EHBP1L1: variants seen among roughly 807,000 people sequenced by gnomAD.
EHBP1L1 encodes the protein EH domain binding protein 1 like 1, also known as EH domain-binding protein 1-like protein 1.
Under a neutral mutation model 151.1 loss-of-function variants are expected in EHBP1L1, and 122 were observed. The ratio of observed to expected loss-of-function variants is 0.81; its 90% CI spans 0.70 to 0.94. The LOEUF (loss-of-function observed/expected upper bound fraction) is 0.94, where lower values mean the gene tolerates loss of function less well. Ranked by LOEUF, EHBP1L1 falls within the 40% of genes least tolerant of loss-of-function variation. EHBP1L1 has a pLI of 0.00. For missense variants in EHBP1L1, 1,941 were observed against 1,959.8 expected (o/e 0.99, Z 0.18); for synonymous variants, 878 against 810.1 (o/e 1.08, Z -1.42).
chr11:65,587,369 C>T (rs1223724713), intron 12 of EHBP1L1, among the ~76,000 whole-genome samples: 1 of 144,588 alleles, frequency 6.9e-6, no homozygotes, highest in Non-Finnish European at 1.5e-5. Context: ...AAGACTCCGT[C>T]TCAAAAAAAA....
In EHBP1L1 at chr11:65,587,371, C is replaced by CA. The variant is rs113665152; in HGVS notation, c.3933+1796dup. Reference sequence around the variant, plus strand: ...CTGGCAACAGAGCAAGACTCCGTCTCAAAAAAAAAAAAAAAAGAGGAATTT... The same window carrying CA: ...CTGGCAACAGAGCAAGACTCCGTCTCAAAAAAAAAAAAAAAAAGAGGAATTT... On this transcript the variant is annotated intron_variant, in intron 12 of 18. Coordinates refer to ENST00000309295, the MANE Select transcript of EHBP1L1 (RefSeq NM_001099409.3). Among the ~76,000 whole-genome samples, 381 of 99,272 alleles carry CA rather than the reference C, an allele frequency of 3.8e-3. 2 individuals are homozygous for CA. Among genetic ancestry groups the CA allele is most frequent in the Middle Eastern group, 0.012 (2 of 168 alleles). 65.1% of individuals were successfully genotyped at this position (99,272 alleles called of 152,430 possible).
chr11:65,588,232 T>C (rs1384638183), intron 12 of EHBP1L1, among the ~76,000 whole-genome samples: 3 of 151,952 alleles, frequency 2.0e-5, no homozygotes, highest in African/African-American at 4.8e-5. Context: ...GGAGGTCACG[T>C]TGGTACCAGG....
intron 8 of EHBP1L1, 73 bp downstream of exon 8, chr11:65,581,446 C>A (rs1015613344): frequency 7.0e-7 from 1 of 1,432,882 alleles, no homozygotes; most frequent in Non-Finnish European, 9.3e-7. Flanking sequence ...CACCAACCTG[C>A]CTCCAGGGCC....
intron 12 of EHBP1L1, among the ~76,000 whole-genome samples, chr11:65,588,968 C>T (rs1241337985): frequency 1.3e-5 from 2 of 152,100 alleles, no homozygotes; most frequent in Non-Finnish European, 2.9e-5. Context: ...CTGGTGGGGC[C>T]TCTGCAGGAG....
chr11:65,591,779 C>T, intron 16 of EHBP1L1, 21 bp from the exon 17 acceptor site: 2 of 1,402,574 alleles, frequency 1.4e-6, no homozygotes, highest in Non-Finnish European at 2.0e-6. Context: ...CCCCCGCCAC[C>T]CACCCCCCGC....
chr11:65,588,433 G>A (rs1858089345), intron 12 of EHBP1L1, among the ~76,000 whole-genome samples: 1 of 152,196 alleles, frequency 6.6e-6, no homozygotes, highest in Non-Finnish European at 1.5e-5. Flanking sequence ...CGGGGGTGAA[G>A]GTGTCAGAGA....
At position 65,591,886 on chromosome 11, in the gene EHBP1L1, C is replaced by T; in HGVS notation, c.4357+13C>T. On this transcript the variant is annotated intron_variant, in intron 17 of 18. Transcript: ENST00000309295. ...CTGGCCATCGAAGGTGGGACATGGG[C>T]TCAGGGGCCGGGAGGCAAGACAGAG... The T allele has an allele frequency of 6.3e-7, 1 of 1,579,932 alleles. No homozygotes were observed. Among genetic ancestry groups the T allele is most frequent in the Non-Finnish European group, 8.6e-7 (1 of 1,161,718 alleles).
In EHBP1L1 at chr11:65,591,838, T is replaced by A. The variant is rs777656609; in HGVS notation, c.4322T>A (p.Leu1441Gln). Reference protein sequence around the residue: ...EQDLERRFELLSRELRAMLAI... With the variant: ...EQDLERRFELQSRELRAMLAI... Reference sequence around the variant, plus strand: ...GACTTGGAGCGAAGGTTCGAGCTGCTGAGCCGCGAGCTGCGGGCCATGCTG... The same window carrying A: ...GACTTGGAGCGAAGGTTCGAGCTGCAGAGCCGCGAGCTGCGGGCCATGCTG... Residue 1441 changes from leucine to glutamine, a missense_variant, in exon 17 of 19, where the codon CTG becomes CAG. Transcript: ENST00000309295. 1 of 1,398,160 alleles carries A rather than the reference T, an allele frequency of 7.2e-7. No homozygotes were observed. Among genetic ancestry groups the A allele is most frequent in the African/African-American group, 1.5e-5 (1 of 66,298 alleles). The allele number at this position is 1,398,160 out of a possible 1,614,324, so 86.6% of individuals were successfully genotyped here.
At chr11:65,580,871 C>T in intron 6 of EHBP1L1, 187 bp from the exon 7 acceptor site, 1 of 1,383,168 alleles carries the variant, frequency 7.2e-7, no homozygotes, top group African/African-American at 1.5e-5. Flanking sequence ...TCTCTGTCCA[C>T]TGTTGAGGTT....
Position 65,591,863 on chromosome 11 carries a change from G to A in EHBP1L1, c.4347G>A (p.Leu1449=). The A allele has an allele frequency of 6.3e-7, 1 of 1,578,902 alleles. No individual in the cohort carries two copies. The highest frequency in any genetic ancestry group is 8.6e-7 in the Non-Finnish European group (1 of 1,163,274). ...ELLSRELRAM[L]AIEDWQKTSA... ...TGAGCCGCGAGCTGCGGGCCATGCT[G>A]GCCATCGAAGGTGGGACATGGGCTC... Residue 1449 remains leucine (L), a synonymous_variant, in exon 17 of 19, where the codon CTG becomes CTA. Coordinates refer to ENST00000309295, the MANE Select transcript of EHBP1L1 (RefSeq NM_001099409.3).
chr11:65,576,482 C>A, intron 1 of EHBP1L1, 76 bp downstream of exon 1: 2 of 1,358,312 alleles, frequency 1.5e-6, no homozygotes, highest in East Asian at 2.8e-5. Context: ...TGAGAGGACT[C>A]TGCCCCCCCA....
intron 3 of EHBP1L1, 79 bp from the exon 4 acceptor site, chr11:65,579,857 C>T (rs1857510621): frequency 3.4e-6 from 5 of 1,462,450 alleles, no homozygotes; most frequent in East Asian, 2.3e-5. Context: ...CACTACCAAG[C>T]ACCTCCTGAG....
At chr11:65,592,159 G>T (rs1858360856) in intron 18 of EHBP1L1, 44 bp from the exon 19 acceptor site, 2 of 1,605,716 alleles carry the variant, frequency 1.2e-6, no homozygotes, top group South Asian at 2.2e-5. Flanking sequence ...GGCTGCGTGT[G>T]GACCCCGCCC....
Position 65,582,072 on chromosome 11 carries a change from G to T in EHBP1L1, c.1400G>T (p.Gly467Val). The T allele has an allele frequency of 6.2e-7, 1 of 1,612,218 alleles. No individual in the cohort carries two copies. Among genetic ancestry groups the T allele is most frequent in the South Asian group, 1.1e-5 (1 of 91,032 alleles). The change falls in exon 9 of 19, where the codon GGA becomes GTA. Residue 467 changes from glycine (G) to valine (V), a missense_variant. Gly to Val is a moderately radical substitution (Grantham distance 109, BLOSUM62 -3). Coordinates refer to ENST00000309295, the MANE Select transcript of EHBP1L1 (RefSeq NM_001099409.3). ...CCAAGGGGCTCTCAGGGGAGGCTGGGAGTCAGGACCAGGGATGAGGCTCCC... is the reference window on the plus strand; with the variant it reads ...CCAAGGGGCTCTCAGGGGAGGCTGGTAGTCAGGACCAGGGATGAGGCTCCC... Reference protein sequence around the residue: ...APPRGSQGRLGVRTRDEAPSG... With the variant: ...APPRGSQGRLVVRTRDEAPSG...
At position 65,581,993 on chromosome 11, in the gene EHBP1L1, G is replaced by T; in HGVS notation, c.1321G>T (p.Glu441Ter). 5.0e-6 allele frequency: 8 copies of T among 1,613,832 alleles called. No individual in the cohort carries two copies. The highest frequency in any genetic ancestry group is 6.8e-6 in the Non-Finnish European group (8 of 1,179,856). ...KVRHVDTKGP[E>*]ATGVMPEARC... ...GAGACATGTGGACACTAAGGGACCA[G>T]AGGCGACAGGGGTGATGCCTGAGGC... The change falls in exon 9 of 19, where the codon GAG (glutamate) becomes TAG (stop). Residue 441 changes from glutamate (E) to a stop codon, truncating the protein, a stop_gained. Coordinates refer to ENST00000309295, the MANE Select transcript of EHBP1L1 (RefSeq NM_001099409.3). LOFTEE classifies it high-confidence loss of function.
Position 65,581,253 on chromosome 11 carries a change from T to G in EHBP1L1, c.746T>G (p.Val249Gly). Reference protein sequence around the residue: ...SNAEDTSPAPVSAPAPPARTS... With the variant: ...SNAEDTSPAPGSAPAPPARTS... The stretch of plus-strand genomic sequence containing the variant: ...GCTGAGGATACCAGCCCAGCCCCTG[T>G]GAGTGCTCCTGCACCCCCAGCCAGA... The change falls in exon 8 of 19, where the codon GTG becomes GGG. Residue 249 changes from valine (V) to glycine (G), a missense_variant. Coordinates refer to ENST00000309295, the MANE Select transcript of EHBP1L1 (RefSeq NM_001099409.3). 1 of 1,611,108 alleles carries G rather than the reference T, an allele frequency of 6.2e-7. No individual in the cohort carries two copies. Among genetic ancestry groups the G allele is most frequent in the Non-Finnish European group, 8.5e-7 (1 of 1,179,130 alleles).
intron 9 of EHBP1L1, 51 bp downstream of exon 9, chr11:65,583,816 G>A: frequency 6.9e-7 from 1 of 1,442,254 alleles, no homozygotes; most frequent in Non-Finnish European, 9.1e-7. Context: ...CACTAACCTG[G>A]GGCTGAGCGA....
chr11:65,585,351 C>A lies in EHBP1L1; in HGVS notation c.3693C>A (p.Pro1231=). The change falls in exon 12 of 19, where the codon CCC becomes CCA. Residue 1231 remains proline (P), a synonymous_variant. Coordinates refer to ENST00000309295, the MANE Select transcript of EHBP1L1 (RefSeq NM_001099409.3). The surrounding 1 kb of genome is among the most constrained non-coding windows in gnomAD (Gnocchi z 4.0). ...CCGAGGCCCCCCGAGAGTCGCGACC[C>A]GCGGAGGTCCCGGCCGAGGGGCTGG... ...GGAEAPRESR[P]AEVPAEGLVN... The A allele has an allele frequency of 8.7e-7, 1 of 1,144,494 alleles. No homozygotes were observed. Among genetic ancestry groups the A allele is most frequent in the Non-Finnish European group, 1.1e-6 (1 of 931,270 alleles). The allele number at this position is 1,144,494 out of a possible 1,614,324, so 70.9% of individuals were successfully genotyped here. A position where few individuals can be genotyped will look rare whatever the true frequency, so the allele number is the denominator to read the frequency against.
chr11:65,579,263 G>A (rs1476140776), intron 2 of EHBP1L1, 78 bp from the exon 3 acceptor site: 18 of 1,492,836 alleles, frequency 1.2e-5, no homozygotes, highest in Non-Finnish European at 1.5e-5. Flanking sequence ...GGGGAAGATG[G>A]TGTCAAGGTT....
Sources: gnomAD v4.1 joint callset for allele counts (sites outside exome capture counted in the v4.1 genomes callset) on GRCh38, gnomAD v4.1.1 for gene constraint, Gnocchi (gnomAD v3.1) non-coding constraint, MANE v1.5 for transcripts, NCBI Gene and HGNC (gene_info 2026-07-23, HGNC 2026-07-21) for gene names.